Variants in KIAA0825 observed in about 807,000 individuals in gnomAD.
KIAA0825 encodes the protein uncharacterized protein KIAA0825.
KIAA0825 carries 119 observed loss-of-function variants against 147.6 expected under a neutral mutation model. The observed-to-expected ratio is 0.81, with a 90% confidence interval of 0.69 to 0.94. KIAA0825 has a LOEUF of 0.94. Among genes scored for constraint, KIAA0825 ranks in the 40% least tolerant of loss-of-function variants. The pLI, the probability that KIAA0825 is intolerant of heterozygous loss-of-function variation, is 0.00. For synonymous variants in KIAA0825, 470 were observed against 518.1 expected (o/e 0.91, Z 1.26); for missense variants, 1,381 against 1,472.7 (o/e 0.94, Z 1.02).
intron 13 of KIAA0825, among the ~76,000 whole-genome samples, chr5:94,445,229 T>G (rs931909605): frequency 2.0e-5 from 3 of 152,210 alleles, no homozygotes; most frequent in South Asian, 2.1e-4. Flanking sequence ...GTTCAATATT[T>G]CTTCCACTTT....
At chr5:94,314,471 C>T (rs1779466453) in intron 20 of KIAA0825, among the ~76,000 whole-genome samples, 1 of 151,592 alleles carries the variant, frequency 6.6e-6, no homozygotes, top group African/African-American at 2.4e-5. Flanking sequence ...TTTTCCCAGA[C>T]ATAAATAATA....
chr5:94,582,947 C>T (rs151277207), intron 1 of KIAA0825, among the ~76,000 whole-genome samples: 141 of 152,260 alleles, frequency 9.3e-4, no homozygotes, highest in African/African-American at 3.3e-3. Flanking sequence ...AATCCAAATA[C>T]TTTTTTTCTT....
chr5:94,607,625 A>T (rs550783226), intron 1 of KIAA0825, among the ~76,000 whole-genome samples: 2 of 152,098 alleles, frequency 1.3e-5, no homozygotes, highest in African/African-American at 4.8e-5. Flanking sequence ...AAACAAACAA[A>T]CAAACAAACA....
intron 20 of KIAA0825, among the ~76,000 whole-genome samples, chr5:94,207,341 A>C (rs943143691): frequency 2.0e-5 from 3 of 152,086 alleles, no homozygotes. Flanking sequence ...TTTACATATC[A>C]CCTTCTTTTT....
intron 20 of KIAA0825, among the ~76,000 whole-genome samples, chr5:94,194,148 A>G (rs1303527969): frequency 2.6e-5 from 4 of 152,102 alleles, no homozygotes; most frequent in Admixed American, 2.6e-4. Context: ...TTCCTAGGAG[A>G]GGAAGCAGCT....
chr5:94,600,176 T>C (rs775853169), intron 1 of KIAA0825, among the ~76,000 whole-genome samples: 1 of 152,118 alleles, frequency 6.6e-6, no homozygotes, highest in Admixed American at 6.5e-5. Context: ...TGGGGAAGTA[T>C]TGCCACTTCA....
chr5:94,427,600 TA>T (rs1460449062), intron 14 of KIAA0825, among the ~76,000 whole-genome samples: 12 of 152,222 alleles, frequency 7.9e-5, no homozygotes, highest in African/African-American at 2.9e-4. Flanking sequence ...CTACTTTTTA[TA>T]AGATTTGTAC....
intron 20 of KIAA0825, among the ~76,000 whole-genome samples, chr5:94,161,526 A>C (rs961273086): frequency 1.8e-4 from 27 of 152,160 alleles, no homozygotes; most frequent in African/African-American, 6.5e-4. Flanking sequence ...ATAGTATCTA[A>C]TGTCTGTGCT....
chr5:94,548,250 A>G (rs1774842681), intron 2 of KIAA0825, among the ~76,000 whole-genome samples: 1 of 152,198 alleles, frequency 6.6e-6, no homozygotes, highest in African/African-American at 2.4e-5. Flanking sequence ...ATAAGGAGAA[A>G]CAACGAAAAG....
At chr5:94,344,904 C>A (rs747248403) in intron 20 of KIAA0825, among the ~76,000 whole-genome samples, 16 of 151,966 alleles carry the variant, frequency 1.1e-4, no homozygotes, top group East Asian at 3.9e-4. Context: ...TTGCTAGGGG[C>A]TGGGAGAAGA....
chr5:94,617,532 T>TA lies in KIAA0825; in HGVS notation c.-153+967dup, dbSNP rs3832340. Among the ~76,000 whole-genome samples the TA allele has an allele frequency of 4.6e-5, 7 of 151,872 alleles. No homozygotes were observed. In the South Asian group the frequency reaches 6.2e-4, roughly 14 times the overall value. ...TTTATGGGTATGAGGAGCATACCCA[T>TA]AAAAAAAATGCAATAGTACCTACAA... On this transcript the variant is annotated intron_variant, in intron 1 of 20. Transcript: ENST00000682413.
At chr5:94,169,465 C>G (rs1321673790) in intron 20 of KIAA0825, among the ~76,000 whole-genome samples, 1 of 151,532 alleles carries the variant, frequency 6.6e-6, no homozygotes, top group Non-Finnish European at 1.5e-5. Context: ...GCCTGTAATC[C>G]CAGCATTTTG....
chr5:94,188,201 A>G (rs1562302446), intron 20 of KIAA0825, among the ~76,000 whole-genome samples: 1 of 152,224 alleles, frequency 6.6e-6, no homozygotes, highest in Non-Finnish European at 1.5e-5. Flanking sequence ...GTTTGAGCCA[A>G]CCAGTCTATG....
rs562401130 is a variant in KIAA0825, at chr5:94,512,143, G to A, written c.970+8105C>T. ...AAAGATGATTTTCACAAGAAAGAATGTTGTGGTATAGGAACAGACATTAAA... is the reference window on the plus strand; with the variant it reads ...AAAGATGATTTTCACAAGAAAGAATATTGTGGTATAGGAACAGACATTAAA... On this transcript the variant is annotated intron_variant, in intron 5 of 20. Coordinates refer to ENST00000682413, the MANE Select transcript of KIAA0825 (RefSeq NM_001145678.3). Among the ~76,000 whole-genome samples, 15 of 152,180 alleles carry A rather than the reference G, an allele frequency of 9.9e-5. No individual in the cohort carries two copies. In the South Asian group the frequency reaches 3.1e-3, roughly 32 times the overall value.
chr5:94,462,356 T>A, intron 12 of KIAA0825, 31 bp downstream of exon 12: 1 of 1,117,948 alleles, frequency 8.9e-7, no homozygotes, highest in Non-Finnish European at 1.2e-6. Context: ...TATATCATAA[T>A]AGCTAAAAGG....
intron 20 of KIAA0825, among the ~76,000 whole-genome samples, chr5:94,178,019 C>T (rs1769266717): frequency 6.6e-6 from 1 of 151,994 alleles, no homozygotes; most frequent in South Asian, 2.1e-4. Flanking sequence ...ATAAGATTTA[C>T]AGTTTTCTGA....
At chr5:94,163,672 G>A (rs1488092241) in intron 20 of KIAA0825, among the ~76,000 whole-genome samples, 1 of 152,012 alleles carries the variant, frequency 6.6e-6, no homozygotes, top group Non-Finnish European at 1.5e-5. Flanking sequence ...TTCCATTCTG[G>A]TTAATGTAAT....
At chr5:94,555,317 C>T (rs1776341874) in intron 2 of KIAA0825, among the ~76,000 whole-genome samples, 1 of 152,048 alleles carries the variant, frequency 6.6e-6, no homozygotes, top group Non-Finnish European at 1.5e-5. Context: ...AAACAAAGAA[C>T]TTGTTATTCC....
chr5:94,231,635 T>A (rs1161422629), intron 20 of KIAA0825, among the ~76,000 whole-genome samples: 3 of 152,110 alleles, frequency 2.0e-5, no homozygotes, highest in Admixed American at 6.5e-5. Flanking sequence ...TTGTTGCTGA[T>A]CTTTGGTTTG....
Sources: gnomAD v4.1 joint callset for allele counts (sites outside exome capture counted in the v4.1 genomes callset) on GRCh38, gnomAD v4.1.1 for gene constraint, MANE v1.5 for transcripts, NCBI Gene and HGNC (gene_info 2026-07-23, HGNC 2026-07-21) for gene names.